Variants in AFF2 observed in about 807,000 individuals in gnomAD.
AFF2 encodes the protein AF4/FMR2 family member 2.
Under a neutral mutation model 76.9 loss-of-function variants are expected in AFF2, and 14 were observed. The ratio of observed to expected loss-of-function variants is 0.18; its 90% CI spans 0.12 to 0.28. The LOEUF (loss-of-function observed/expected upper bound fraction) is 0.28, where lower values mean the gene tolerates loss of function less well. AFF2 is among the 10% of genes least tolerant of loss of function. The pLI is 1.00. For synonymous variants in AFF2, 398 were observed against 366.7 expected, an observed-to-expected ratio of 1.09 and a Z score of -0.98; for missense variants, 868 against 1,001.1, an observed-to-expected ratio of 0.87 and a Z score of 1.79.
intron 1 of AFF2, among the ~76,000 whole-genome samples, chrX:148,507,973 A>G (rs2052439755): frequency 8.9e-6 from 1 of 112,423 alleles, no homozygotes; most frequent in African/African-American, 3.2e-5. Context: ...CATTTGAAAA[A>G]TAAAATCAGC....
intron 1 of AFF2, among the ~76,000 whole-genome samples, chrX:148,650,990 T>C (rs2054197622): frequency 8.9e-6 from 1 of 112,201 alleles, no homozygotes; most frequent in South Asian, 3.7e-4. Context: ...TTTATGTAAT[T>C]TAAATTTGCT....
intron 7 of AFF2, among the ~76,000 whole-genome samples, chrX:148,850,754 T>A (rs1197344405): frequency 8.9e-6 from 1 of 112,667 alleles, no homozygotes; most frequent in Non-Finnish European, 1.9e-5. Flanking sequence ...TCCTGTTAGA[T>A]AGCCAATTGA....
At chrX:148,535,665 T>C (rs1277644929) in intron 1 of AFF2, among the ~76,000 whole-genome samples, 1 of 112,420 alleles carries the variant, frequency 8.9e-6, no homozygotes, top group Non-Finnish European at 1.9e-5. Flanking sequence ...TTCCCAAATA[T>C]GTAGTGTATA....
At chrX:148,713,882 A>T (rs2054998111) in intron 3 of AFF2, among the ~76,000 whole-genome samples, 1 of 111,886 alleles carries the variant, frequency 8.9e-6, no homozygotes, top group African/African-American at 3.2e-5. Flanking sequence ...TAAATGAGTT[A>T]ATCTTAGTCT....
At chrX:148,784,701 C>A (rs890072680) in intron 3 of AFF2, among the ~76,000 whole-genome samples, 31 of 112,204 alleles carry the variant, frequency 2.8e-4, no homozygotes, top group Non-Finnish European at 4.7e-4. Flanking sequence ...CACTTTGGAA[C>A]TGTACATAAT....
rs1327121421 is a variant in AFF2 at position 148,661,998 on chromosome X, C to G, written c.271C>G (p.Gln91Glu). ...GAATTTGCTAACTAACCATTCTAATCAGAATCACCTAGTGGGAATTCCAAA... is the reference window on the plus strand; with the variant it reads ...GAATTTGCTAACTAACCATTCTAATGAGAATCACCTAGTGGGAATTCCAAA... ...MKNLLTNHSN[Q>E]NHLVGIPKNS... The change falls in exon 3 of 21, where the codon CAG becomes GAG. Residue 91 changes from glutamine to glutamate, a missense_variant. Gln to Glu is a conservative substitution (Grantham distance 29). Around this residue, in one of 6 missense-constraint regions of AFF2, gnomAD observed 196 missense variants for 194.8 expected, o/e 1.01. Coordinates refer to ENST00000370460, the MANE Select transcript of AFF2 (RefSeq NM_002025.4). 1.7e-6 allele frequency: 2 copies of G among 1,207,617 alleles called. No homozygotes were observed. The highest frequency in any genetic ancestry group is 3.5e-5 in the African/African-American group (2 of 57,091).
Position 148,958,398 on chromosome X carries a change from T to C in AFF2, c.2630T>C (p.Ile877Thr). Residue 877 changes from isoleucine to threonine, a missense_variant, in exon 12 of 21, where the codon ATC (isoleucine) becomes ACC (threonine). Coordinates refer to ENST00000370460, the MANE Select transcript of AFF2 (RefSeq NM_002025.4). ...KKQRLEEATT[I>T]CLLPPCISPA... The stretch of plus-strand genomic sequence containing the variant: ...CAGCGCCTGGAGGAGGCCACAACTA[T>C]CTGCTTGCTCCCTCCTTGCATCTCA... The C allele has an allele frequency of 8.3e-7, 1 of 1,210,554 alleles. No homozygotes were observed. Among genetic ancestry groups the C allele is most frequent in the African/African-American group, 1.7e-5 (1 of 57,682 alleles).
chrX:148,638,012 T>C (rs1168892224), intron 1 of AFF2, among the ~76,000 whole-genome samples: 1 of 110,787 alleles, frequency 9.0e-6, no homozygotes, highest in Non-Finnish European at 1.9e-5. Context: ...AGAATCACTC[T>C]CGGAGGTCTT....
At chrX:148,786,883 G>A (rs191064826) in intron 3 of AFF2, among the ~76,000 whole-genome samples, 14 of 111,794 alleles carry the variant, frequency 1.3e-4, no homozygotes, top group Non-Finnish European at 2.4e-4. Flanking sequence ...AAGTTGACAG[G>A]CCTGGGTTCT....
At chrX:148,942,896 A>G (rs2071857507) in intron 9 of AFF2, among the ~76,000 whole-genome samples, 1 of 111,499 alleles carries the variant, frequency 9.0e-6, no homozygotes, top group South Asian at 3.8e-4. Flanking sequence ...TGTTGCGGGC[A>G]GTTAAGAAGC....
intron 1 of AFF2, among the ~76,000 whole-genome samples, chrX:148,531,640 A>G (rs1321850550): frequency 8.9e-6 from 1 of 112,441 alleles, no homozygotes; most frequent in African/African-American, 3.2e-5. Context: ...ATTAAGCAGC[A>G]TACAAATGTG....
chrX:148,680,923 C>T (rs1412507142), intron 3 of AFF2, among the ~76,000 whole-genome samples: 1 of 111,293 alleles, frequency 9.0e-6, no homozygotes, highest in African/African-American at 3.3e-5. Context: ...AATCTCTACC[C>T]CCATGTCTCA....
chrX:148,896,923 C>T (rs782397086), intron 8 of AFF2, among the ~76,000 whole-genome samples: 7 of 109,072 alleles, frequency 6.4e-5, no homozygotes, highest in Admixed American at 3.0e-4. Flanking sequence ...GCCATGTTCT[C>T]GTGTTCATTA....
At chrX:148,665,870 TATCCGTGGAGCA>T (rs2124472973) in intron 3 of AFF2, among the ~76,000 whole-genome samples, 1 of 111,981 alleles carries the variant, frequency 8.9e-6, no homozygotes, top group South Asian at 3.7e-4. Flanking sequence ...CAAAAAGGCT[TATCCGTGGAGCA>T]ATCACAGTAT....
intron 3 of AFF2, among the ~76,000 whole-genome samples, chrX:148,774,043 A>C (rs992131975): frequency 9.0e-6 from 1 of 111,558 alleles, no homozygotes; most frequent in African/African-American, 3.3e-5. Flanking sequence ...ATCTTGAGTT[A>C]TTACAAGTAT....
intron 1 of AFF2, among the ~76,000 whole-genome samples, chrX:148,533,010 A>T (rs2052746146): frequency 1.8e-5 from 2 of 111,738 alleles, no homozygotes; most frequent in Admixed American, 1.9e-4. Flanking sequence ...TCTGGAAGAG[A>T]TCATCTCAAT....
intron 7 of AFF2, among the ~76,000 whole-genome samples, chrX:148,884,591 A>T (rs2071135433): frequency 8.9e-6 from 1 of 112,755 alleles, no homozygotes; most frequent in African/African-American, 3.2e-5. Context: ...TCAGCAAAGC[A>T]ATTCACCTCT....
intron 3 of AFF2, among the ~76,000 whole-genome samples, chrX:148,718,517 A>G (rs2055052786): frequency 9.0e-6 from 1 of 111,229 alleles, no homozygotes; most frequent in Non-Finnish European, 1.9e-5. Flanking sequence ...CAAGTTCGAA[A>G]TGATATCATC....
At chrX:148,863,719 T>C (rs16994775) in intron 7 of AFF2, among the ~76,000 whole-genome samples, 1,196 of 111,625 alleles carry the variant, frequency 0.011, 22 homozygotes, top group African/African-American at 0.037. Flanking sequence ...CAGGGATGCT[T>C]TTCACTGTTA....
Sources: gnomAD v4.1 joint callset for allele counts (sites outside exome capture counted in the v4.1 genomes callset) on GRCh38, gnomAD v4.1.1 for gene constraint, gnomAD v4.1.1 regional missense constraint, MANE v1.5 for transcripts, NCBI Gene and HGNC (gene_info 2026-07-23, HGNC 2026-07-21) for gene names.